Variants in NRAP observed in about 807,000 individuals in gnomAD.
NRAP encodes the protein nebulin related anchoring protein.
In NRAP, 189 loss-of-function variants were observed where a neutral mutation model predicts 225.9. That is an observed-to-expected ratio of 0.84 (90% CI 0.74 to 0.94). The LOEUF (loss-of-function observed/expected upper bound fraction) is 0.94, where lower values mean the gene tolerates loss of function less well. Ranked by LOEUF, NRAP falls within the 40% of genes least tolerant of loss-of-function variation. NRAP has a pLI of 0.00. For synonymous variants in NRAP, 769 were observed against 790.7 expected (o/e 0.97, Z 0.46); for missense variants, 2,176 against 2,168.7 (o/e 1.00, Z -0.07).
intron 24 of NRAP, 138 bp downstream of exon 24, chr10:113,621,731 G>C (rs997821251): frequency 1.4e-6 from 1 of 728,094 alleles, no homozygotes; most frequent in African/African-American, 1.8e-5. Context: ...GCAAAGTAAA[G>C]TGTTGCCACT....
In NRAP at chr10:113,630,291, G is replaced by A. The variant is rs117368240; in HGVS notation, c.1843-506C>T. 2.9e-4 allele frequency among the ~76,000 whole-genome samples: 44 copies of A among 152,224 alleles called. 2 individuals are homozygous for A. The East Asian group carries it at 4.6e-3, about 16-fold the overall frequency. On this transcript the variant is annotated intron_variant, in intron 18 of 41. Coordinates refer to ENST00000359988, the MANE Select transcript of NRAP (RefSeq NM_198060.4). ...CATAGCAAATACTTGATAAATATTC[G>A]CATGACAATAACAATGGTGGTTCGG...
At chr10:113,657,201 T>C (rs1231654714) in intron 4 of NRAP, among the ~76,000 whole-genome samples, 1 of 152,024 alleles carries the variant, frequency 6.6e-6, no homozygotes, top group Non-Finnish European at 1.5e-5. Context: ...GAGTGAAGTG[T>C]CAGAGAAAGA....
intron 37 of NRAP, 38 bp downstream of exon 37, chr10:113,597,048 C>T: frequency 1.5e-6 from 2 of 1,371,502 alleles, no homozygotes; most frequent in South Asian, 1.2e-5. Context: ...AGCAGTGCTA[C>T]ACTGCATGCC....
At chr10:113,650,660 C>T (rs1564756826) in intron 7 of NRAP, 115 bp from the exon 8 acceptor site, 2 of 724,324 alleles carry the variant, frequency 2.8e-6, no homozygotes, top group East Asian at 2.7e-5. Flanking sequence ...GCTCATAAGG[C>T]ACATAATTGG....
rs774143230 is a variant in NRAP, at chr10:113,626,016, C to T, written c.2244+31G>A. ...GTCCCCCAGGCCCATGACACAGCAG[C>T]TTGGTGGAGAAAGGGCAGCCCAGGA... is the stretch of plus-strand genomic sequence containing the variant. On this transcript the variant is annotated intron_variant, in intron 21 of 41. Transcript: ENST00000359988. 16 of 1,512,594 alleles carry T rather than the reference C, an allele frequency of 1.1e-5. No homozygotes were observed. In the South Asian group the frequency reaches 1.6e-4, roughly 15 times the overall value. The allele number at this position is 1,512,594 out of a possible 1,614,324, so 93.7% of individuals were successfully genotyped here.
chr10:113,663,054 A>T (rs1850786146), intron 2 of NRAP, among the ~76,000 whole-genome samples: 1 of 152,236 alleles, frequency 6.6e-6, no homozygotes, highest in Non-Finnish European at 1.5e-5. Flanking sequence ...AAAAGAAAAT[A>T]CTTCAAAGCT....
At chr10:113,631,113 A>G (rs1332577955) in intron 18 of NRAP, among the ~76,000 whole-genome samples, 1 of 152,214 alleles carries the variant, frequency 6.6e-6, no homozygotes, top group Non-Finnish European at 1.5e-5. Context: ...CCACAGGACC[A>G]GGACAGCACC....
chr10:113,603,753 GGCCTTT>G (rs1846750806), intron 35 of NRAP, among the ~76,000 whole-genome samples: 1 of 152,114 alleles, frequency 6.6e-6, no homozygotes, highest in Admixed American at 6.5e-5. Flanking sequence ...TCAAGTCCTT[GGCCTTT>G]GAACTTGCTA....
intron 4 of NRAP, 152 bp downstream of exon 4, chr10:113,657,318 G>A (rs4550160): frequency 1.8e-5 from 11 of 597,118 alleles, no homozygotes; most frequent in East Asian, 2.9e-5. Context: ...ATTAGGACAC[G>A]CTGATTGAGG....
At chr10:113,656,104 C>G (rs1850293413) in intron 4 of NRAP, among the ~76,000 whole-genome samples, 1 of 152,088 alleles carries the variant, frequency 6.6e-6, no homozygotes. Context: ...GCATTAACAC[C>G]AACACATACT....
intron 3 of NRAP, among the ~76,000 whole-genome samples, chr10:113,662,353 C>G (rs1304008895): frequency 6.6e-6 from 1 of 152,090 alleles, no homozygotes. Context: ...TTTATCATTT[C>G]TATTCTAGCT....
At chr10:113,633,233 A>C in intron 15 of NRAP, 45 bp from the exon 16 acceptor site, 2 of 1,144,444 alleles carry the variant, frequency 1.7e-6, no homozygotes, top group Non-Finnish European at 2.7e-6. Context: ...TATGGGCAGA[A>C]AGAGAACTTT....
intron 12 of NRAP, 150 bp downstream of exon 12, chr10:113,642,784 C>G: frequency 1.7e-6 from 1 of 596,168 alleles, no homozygotes; most frequent in Non-Finnish European, 3.0e-6. Flanking sequence ...TCCCAGCAGG[C>G]AACCTTAACC....
intron 39 of NRAP, among the ~76,000 whole-genome samples, 158 bp downstream of exon 39, chr10:113,592,036 C>T (rs893801462): frequency 7.9e-5 from 12 of 152,110 alleles, no homozygotes; most frequent in Non-Finnish European, 5.9e-5. Context: ...AAAGTAAAGC[C>T]CTTTTTTTTT....
intron 32 of NRAP, among the ~76,000 whole-genome samples, 173 bp downstream of exon 32, chr10:113,608,241 C>T (rs1020256667): frequency 6.6e-6 from 1 of 152,222 alleles, no homozygotes; most frequent in Admixed American, 6.5e-5. Flanking sequence ...AGATTCCCAA[C>T]TGGGCTTTCA....
At position 113,588,913 on chromosome 10, in the gene NRAP, G is replaced by A; in HGVS notation, c.*62C>T. 1 of 1,348,216 alleles carries A rather than the reference G, an allele frequency of 7.4e-7. No homozygotes were observed. The highest frequency in any genetic ancestry group is 1.1e-6 in the Non-Finnish European group (1 of 941,984). 83.5% of individuals were successfully genotyped at this position (1,348,216 alleles called of 1,614,324 possible). On this transcript the variant is annotated 3_prime_UTR_variant, in exon 42 of 42. Coordinates refer to ENST00000359988, the MANE Select transcript of NRAP (RefSeq NM_198060.4). ...CAGCTTGCCGAAATCAAAGCCATCTGAAGCCTGTCTCTGGTGAACAAACTT... is the reference window on the plus strand; with the variant it reads ...CAGCTTGCCGAAATCAAAGCCATCTAAAGCCTGTCTCTGGTGAACAAACTT...
chr10:113,651,953 T>C (rs1391750877), intron 6 of NRAP, 46 bp from the exon 7 acceptor site: 1 of 1,206,590 alleles, frequency 8.3e-7, no homozygotes, highest in South Asian at 1.2e-5. Flanking sequence ...CCTCACAGCC[T>C]CCTCAGTGAC....
chr10:113,598,218 G>C, intron 35 of NRAP, 145 bp from the exon 36 acceptor site: 1 of 664,684 alleles, frequency 1.5e-6, no homozygotes, highest in Non-Finnish European at 2.8e-6. Flanking sequence ...CATTCTGCAT[G>C]TCGTCAAGTC....
intron 40 of NRAP, 68 bp downstream of exon 40, chr10:113,590,510 A>T: frequency 1.3e-6 from 2 of 1,484,556 alleles, no homozygotes; most frequent in Non-Finnish European, 1.8e-6. Flanking sequence ...GGAACGTGGC[A>T]TTATGGCCAT....
Sources: gnomAD v4.1 joint callset for allele counts (sites outside exome capture counted in the v4.1 genomes callset) on GRCh38, gnomAD v4.1.1 for gene constraint, MANE v1.5 for transcripts, NCBI Gene and HGNC (gene_info 2026-07-23, HGNC 2026-07-21) for gene names.